Variants in HBD observed in about 807,000 individuals in gnomAD.
The protein encoded by HBD is hemoglobin subunit delta, also known as delta globin.
In HBD, 11 loss-of-function variants were observed where a neutral mutation model predicts 9.2. The observed-to-expected ratio is 1.20, with a 90% confidence interval of 0.76 to 1.99. The LOEUF (loss-of-function observed/expected upper bound fraction) is 1.99, where lower values mean the gene tolerates loss of function less well. Ranked by LOEUF, HBD falls within the 30% of genes most tolerant of loss-of-function variation. HBD has a pLI of 0.00. For missense variants in HBD, 189 were observed against 174.3 expected (o/e 1.08, Z -0.47); for synonymous variants, 83 against 69.4 (o/e 1.20, Z -0.98).
At position 5,234,094 on chromosome 11, in the gene HBD, G is replaced by A. The variant is rs63750423; in HGVS notation, c.212C>T (p.Ala71Val). ...VKAHGKKVLGAFSDGLAHLDN... is the reference protein window; with the variant it reads ...VKAHGKKVLGVFSDGLAHLDN... ...CAGGTGAGCCAGGCCATCACTAAAG[G>A]CACCTAGCACCTTCTTGCCATGAGC... The change falls in exon 2 of 3, where the codon GCC becomes GTC. Residue 71 changes from alanine to valine, a missense_variant. Physicochemically the swap from Ala to Val is moderately conservative, Grantham distance 64 (BLOSUM62 0). Transcript: ENST00000650601. 6.2e-7 allele frequency: 1 copy of A among 1,613,908 alleles called. No individual in the cohort carries two copies. The highest frequency in any genetic ancestry group is 8.5e-7 in the Non-Finnish European group (1 of 1,180,004).
intron 2 of HBD, 70 bp downstream of exon 2, chr11:5,233,921 G>T (rs955508081): frequency 7.9e-7 from 1 of 1,268,214 alleles, no homozygotes; most frequent in Non-Finnish European, 1.2e-6. Context: ...GAGAAGAGCA[G>T]GTAGGTAAAA....
At chr11:5,233,199 C>A in intron 2 of HBD, 107 bp from the exon 3 acceptor site, 1 of 1,063,452 alleles carries the variant, frequency 9.4e-7, no homozygotes, top group East Asian at 2.5e-5. Context: ...AAATCTTAGA[C>A]AAAACTGATC....
At chr11:5,233,253 C>T (rs1232388835) in intron 2 of HBD, among the ~76,000 whole-genome samples, 161 bp from the exon 3 acceptor site, 1 of 151,918 alleles carries the variant, frequency 6.6e-6, no homozygotes, top group African/African-American at 2.4e-5. Flanking sequence ...TATATGAATG[C>T]ATACATATAA....
At position 5,234,443 on chromosome 11, in the gene HBD, T is replaced by C. The variant is rs1564879419; in HGVS notation, c.-10A>G. On this transcript the variant is annotated 5_prime_UTR_variant, in exon 1 of 3. Transcript: ENST00000650601. ...GAGTCAGATGCACCATGGTGTCTGT[T>C]TGAGGTTGCTAGTGAACACTGTTAT... 2 of 1,599,328 alleles carry C rather than the reference T, an allele frequency of 1.3e-6. No homozygotes were observed. The highest frequency in any genetic ancestry group is 1.7e-6 in the Non-Finnish European group (2 of 1,166,508).
chr11:5,233,733 G>A (rs1188053144), intron 2 of HBD, among the ~76,000 whole-genome samples: 18 of 151,996 alleles, frequency 1.2e-4, no homozygotes, highest in Admixed American at 1.2e-3. Flanking sequence ...TGCATAATTT[G>A]AGTTGTTGTT....
Position 5,232,922 on chromosome 11 carries a change from A to G in HBD, c.*42T>C. 6.2e-7 allele frequency: 1 copy of G among 1,613,720 alleles called. No homozygotes were observed. On this transcript the variant is annotated 3_prime_UTR_variant, in exon 3 of 3. Transcript: ENST00000650601. ...CAAGTTCAGAAAATAGAATCTAGGG[A>G]AATAGGGTCTTCTTATGGTTATCAG...
rs1464513010 is a variant in HBD, at chr11:5,234,066, G to A, written c.240C>T (p.Asp80=). 3 of 1,614,086 alleles carry A rather than the reference G, an allele frequency of 1.9e-6. No individual in the cohort carries two copies. Among genetic ancestry groups the A allele is most frequent in the Non-Finnish European group, 2.5e-6 (3 of 1,179,992 alleles). Residue 80 remains aspartate (D), a synonymous_variant, in exon 2 of 3, where the codon GAC becomes GAT. Transcript: ENST00000650601. The part of the protein sequence containing the change: ...GAFSDGLAHL[D]NLKGTFSQLS... ...GCTGAGAAAAAGTGCCCTTGAGGTTGTCCAGGTGAGCCAGGCCATCACTAA... is the reference window on the plus strand; with the variant it reads ...GCTGAGAAAAAGTGCCCTTGAGGTTATCCAGGTGAGCCAGGCCATCACTAA...
At position 5,234,330 on chromosome 11, in the gene HBD, C is replaced by A; in HGVS notation, c.92+12G>T. Reference sequence around the variant, plus strand: ...TGCCTCCTTGAGCCTCTCTTATAACCTTGATACCAACCTGCCCAGGGCCTC... The same window carrying A: ...TGCCTCCTTGAGCCTCTCTTATAACATTGATACCAACCTGCCCAGGGCCTC... On this transcript the variant is annotated intron_variant, in intron 1 of 2. Transcript: ENST00000650601. 2 of 1,612,846 alleles carry A rather than the reference C, an allele frequency of 1.2e-6. No homozygotes were observed. The highest frequency in any genetic ancestry group is 2.2e-5 in the South Asian group (2 of 91,054).
At position 5,234,056 on chromosome 11, in the gene HBD, C is replaced by T. The variant is rs1172350975; in HGVS notation, c.250G>A (p.Gly84Ser). ...DGLAHLDNLK[G>S]TFSQLSELHC... ...AGCTCACTCAGCTGAGAAAAAGTGC[C>T]CTTGAGGTTGTCCAGGTGAGCCAGG... Residue 84 changes from glycine to serine, a missense_variant, in exon 2 of 3, where the codon GGC (glycine) becomes AGC (serine). Coordinates refer to ENST00000650601, the MANE Select transcript of HBD (RefSeq NM_000519.4). The T allele has an allele frequency of 2.5e-6, 4 of 1,613,900 alleles. No individual in the cohort carries two copies. The highest frequency in any genetic ancestry group is 3.4e-6 in the Non-Finnish European group (4 of 1,180,002).
Position 5,233,099 on chromosome 11 carries a change from A to G in HBD, c.316-7T>C, listed in dbSNP as rs1446729163. On this transcript the variant is annotated splice_region_variant and splice_polypyrimidine_tract_variant and intron_variant, in intron 2 of 2. Transcript: ENST00000650601. Reference sequence around the variant, plus strand: ...CCAGCACATTGCCCAAGAGCTGCGGAGAAGAGGTAGGCAGATACATGCATA... The same window carrying G: ...CCAGCACATTGCCCAAGAGCTGCGGGGAAGAGGTAGGCAGATACATGCATA... 6.2e-7 allele frequency: 1 copy of G among 1,613,904 alleles called. No individual in the cohort carries two copies. The highest frequency in any genetic ancestry group is 2.2e-5 in the East Asian group (1 of 44,856).
intron 2 of HBD, 63 bp downstream of exon 2, chr11:5,233,928 A>G (rs1847701637): frequency 6.8e-7 from 1 of 1,477,608 alleles, no homozygotes; most frequent in Non-Finnish European, 9.5e-7. Flanking sequence ...GCAGGTAGGT[A>G]AAAGAACCAA....
intron 2 of HBD, among the ~76,000 whole-genome samples, 153 bp from the exon 3 acceptor site, chr11:5,233,245 T>C (rs550414185): frequency 6.6e-6 from 1 of 152,168 alleles, no homozygotes; most frequent in South Asian, 2.1e-4. Context: ...TAAGTACATA[T>C]ATGAATGCAT....
Position 5,234,453 on chromosome 11 carries a change from T to C in HBD, c.-20A>G. On this transcript the variant is annotated 5_prime_UTR_variant, in exon 1 of 3. Coordinates refer to ENST00000650601, the MANE Select transcript of HBD (RefSeq NM_000519.4). ...CACCATGGTGTCTGTTTGAGGTTGC[T>C]AGTGAACACTGTTATGTCAGAAGAA... 1 of 1,549,416 alleles carries C rather than the reference T, an allele frequency of 6.5e-7. No individual in the cohort carries two copies. The highest frequency in any genetic ancestry group is 8.9e-7 in the Non-Finnish European group (1 of 1,121,030).
chr11:5,232,906 AAAATAGAATCTAGGG>A lies in HBD; in HGVS notation c.*43_*57del, dbSNP rs1332096156. On this transcript the variant is annotated 3_prime_UTR_variant, in exon 3 of 3. Coordinates refer to ENST00000650601, the MANE Select transcript of HBD (RefSeq NM_000519.4). ...GTAGGCATTGTGTTCCCAAGTTCAG[AAAATAGAATCTAGGG>A]AAATAGGGTCTTCTTATGGTTATCA... is the stretch of plus-strand genomic sequence containing the variant. 6.2e-7 allele frequency: 1 copy of A among 1,613,446 alleles called. No homozygotes were observed. The highest frequency in any genetic ancestry group is 2.2e-5 in the East Asian group (1 of 44,892).
At chr11:5,234,242 A>G (rs750285044) in intron 1 of HBD, 29 bp from the exon 2 acceptor site, 2 of 1,605,964 alleles carry the variant, frequency 1.2e-6, no homozygotes, top group Admixed American at 1.7e-5. Flanking sequence ...CCCAAGGGAC[A>G]GAGAGTCAGT....
intron 1 of HBD, 40 bp from the exon 2 acceptor site, chr11:5,234,253 G>T (rs1336493083): frequency 2.5e-6 from 4 of 1,597,840 alleles, no homozygotes; most frequent in African/African-American, 2.7e-5. Flanking sequence ...GAGAGTCAGT[G>T]CCTATCAGAA....
Position 5,234,017 on chromosome 11 carries a change from G to T in HBD, c.289C>A (p.Leu97Met), listed in dbSNP as rs371945255. The T allele has an allele frequency of 3.1e-6, 5 of 1,614,074 alleles. No homozygotes were observed. The highest frequency in any genetic ancestry group is 3.4e-6 in the Non-Finnish European group (4 of 1,179,984). The change falls in exon 2 of 3, where the codon CTG becomes ATG. Residue 97 changes from leucine (L) to methionine (M), a missense_variant. Coordinates refer to ENST00000650601, the MANE Select transcript of HBD (RefSeq NM_000519.4). ...CTGAAGTTCTCAGGATCCACGTGCA[G>T]CTTGTCACAGTGCAGCTCACTCAGC... is the stretch of plus-strand genomic sequence containing the variant. ...SQLSELHCDK[L>M]HVDPENFRLL...
At chr11:5,233,658 C>T (rs73400696) in intron 2 of HBD, among the ~76,000 whole-genome samples, 1,773 of 152,190 alleles carry the variant, frequency 0.012, 39 homozygotes, top group African/African-American at 0.04. Flanking sequence ...TGGAGCCTCT[C>T]CCATACCCAT....
Position 5,232,880 on chromosome 11 carries a change from A to C in HBD, c.*84T>G, listed in dbSNP as rs1847687440. ...TATTAGGCAGAAGCCATACCCTTGAAGTAGGCATTGTGTTCCCAAGTTCAG... is the reference window on the plus strand; with the variant it reads ...TATTAGGCAGAAGCCATACCCTTGACGTAGGCATTGTGTTCCCAAGTTCAG... On this transcript the variant is annotated 3_prime_UTR_variant, in exon 3 of 3. Coordinates refer to ENST00000650601, the MANE Select transcript of HBD (RefSeq NM_000519.4). 1 of 1,612,780 alleles carries C rather than the reference A, an allele frequency of 6.2e-7. No individual in the cohort carries two copies. Among genetic ancestry groups the C allele is most frequent in the Middle Eastern group, 1.7e-4 (1 of 6,056 alleles).
Sources: allele counts gnomAD v4.1 joint callset (sites outside exome capture counted in the v4.1 genomes callset), GRCh38; gene constraint gnomAD v4.1.1; transcripts MANE v1.5; gene names NCBI Gene and HGNC (gene_info 2026-07-23, HGNC 2026-07-21).